Variants in ANXA8 observed in about 807,000 individuals in gnomAD.
The protein encoded by ANXA8 is VAC-beta.
A neutral mutation model predicts 26.8 loss-of-function variants in ANXA8; 9 were observed. The observed-to-expected ratio is 0.34, with a 90% confidence interval of 0.20 to 0.59. ANXA8 has a LOEUF of 0.59. Ranked by LOEUF, ANXA8 falls within the 20% of genes least tolerant of loss-of-function variation. The probability of loss-of-function intolerance (pLI) is 0.84; values close to 1 mark genes in which losing one functional copy is unlikely to be tolerated. For missense variants in ANXA8, 83 were observed against 238.5 expected (o/e 0.35, Z 4.29); for synonymous variants, 39 against 94.8 (o/e 0.41, Z 3.42).
the ANXA8 span, among the ~76,000 whole-genome samples, chr10:47,898,811 A>ATGTTTTTT: frequency 1.8e-5 from 1 of 56,242 alleles, no homozygotes; most frequent in Non-Finnish European, 2.9e-5. Flanking sequence ...AAGAGAATGG[A>ATGTTTTTT]TTTTTTTTTT....
chr10:47,763,009 G>A, the ANXA8 span: 1 of 1,152,374 alleles, frequency 8.7e-7, no homozygotes, highest in Non-Finnish European at 1.1e-6. Flanking sequence ...CCCCATCCCG[G>A]AGAGCAGGGC....
the ANXA8 span, among the ~76,000 whole-genome samples, chr10:47,668,108 GT>G: frequency 1.0e-3 from 150 of 150,316 alleles, no homozygotes; most frequent in African/African-American, 3.5e-3. Context: ...TATTTCACTG[GT>G]TTTTTTTCCT....
the ANXA8 span, among the ~76,000 whole-genome samples, chr10:47,501,486 G>A: frequency 2.2e-5 from 3 of 136,906 alleles, 1 homozygote; most frequent in African/African-American, 2.7e-5. Flanking sequence ...GAGGCAGGTG[G>A]ATCACGAGGT....
the ANXA8 span, chr10:47,590,316 G>T: frequency 6.8e-6 from 1 of 146,460 alleles, no homozygotes; most frequent in African/African-American, 2.8e-5. Context: ...CAACTGAGCT[G>T]CACCTGGAAG....
In ANXA8 at chr10:47,473,970, C is replaced by G. The variant is rs1839401036; in HGVS notation, c.742G>C (p.Val248Leu). 15 of 498,702 alleles carry G rather than the reference C, an allele frequency of 3.0e-5. No individual in the cohort carries two copies. The highest frequency in any genetic ancestry group is 2.8e-4 in the South Asian group (13 of 47,006). 30.9% of individuals were successfully genotyped at this position (498,702 alleles called of 1,614,324 possible). A position where few individuals can be genotyped will look rare whatever the true frequency, so the allele number is the denominator to read the frequency against. Residue 248 changes from valine (V) to leucine (L), a missense_variant and splice_region_variant, in exon 9 of 12, where the codon GTG (valine) becomes CTG (leucine). Val to Leu is a conservative substitution (Grantham distance 32). This residue lies in a region of ANXA8 where 28 missense variants were observed against 37.7 expected (regional missense o/e 0.74). Coordinates refer to ENST00000585281, the MANE Select transcript of ANXA8 (RefSeq NM_001040084.3). ...GSLEEAMLTV[V>L]KCTQNLHSYF... is the part of the protein sequence containing the mutation. ...AAAACGTGCAAGTCTGAGCTCTTAC[C>G]CACAGTGAGCATGGCCTCCTCCAGT...
the ANXA8 span, among the ~76,000 whole-genome samples, chr10:47,567,583 C>T: frequency 2.0e-5 from 3 of 151,842 alleles, no homozygotes; most frequent in Non-Finnish European, 4.4e-5. Flanking sequence ...TCCTGTCATC[C>T]CTCCTTTCAG....
chr10:47,676,721 C>A, the ANXA8 span, among the ~76,000 whole-genome samples: 1 of 151,400 alleles, frequency 6.6e-6, no homozygotes, highest in South Asian at 2.1e-4. Flanking sequence ...AGGTCGAGAC[C>A]ATCCTGGCCA....
the ANXA8 span, among the ~76,000 whole-genome samples, chr10:47,574,201 C>T: frequency 1.8e-5 from 1 of 56,278 alleles, no homozygotes. Context: ...CTGCAACCTC[C>T]GCCTCCAGGG....
the ANXA8 span, among the ~76,000 whole-genome samples, chr10:47,661,717 C>CT: frequency 2.4e-5 from 3 of 126,814 alleles, no homozygotes; most frequent in African/African-American, 3.6e-5. Flanking sequence ...TGCACCTGGC[C>CT]TTTTTTTGGT....
the ANXA8 span, among the ~76,000 whole-genome samples, chr10:47,586,279 C>T: frequency 6.9e-6 from 1 of 144,260 alleles, no homozygotes; most frequent in African/African-American, 2.9e-5. Context: ...CTGTGCTCAG[C>T]GAGAATCTCG....
At chr10:47,626,825 G>A in the ANXA8 span, among the ~76,000 whole-genome samples, 2 of 150,282 alleles carry the variant, frequency 1.3e-5, no homozygotes, top group Non-Finnish European at 2.9e-5. Flanking sequence ...AAGAGAAGAA[G>A]CTAAGTTCTA....
At chr10:47,729,787 G>A in the ANXA8 span, among the ~76,000 whole-genome samples, 2 of 142,180 alleles carry the variant, frequency 1.4e-5, no homozygotes, top group Non-Finnish European at 3.1e-5. Flanking sequence ...ACTAGAAAGA[G>A]AAGGTATAGA....
chr10:47,947,951 G>C, the ANXA8 span, among the ~76,000 whole-genome samples: 45,581 of 143,184 alleles, frequency 0.32, 3,128 homozygotes, highest in South Asian at 0.41. Context: ...GGGACATGGG[G>C]GGGACCCCTG....
At chr10:47,940,083 C>A in the ANXA8 span, among the ~76,000 whole-genome samples, 2 of 151,186 alleles carry the variant, frequency 1.3e-5, no homozygotes, top group African/African-American at 4.9e-5. Flanking sequence ...CCAAGTTTAC[C>A]TTCTCTGAAA....
At chr10:47,749,970 A>T in the ANXA8 span, among the ~76,000 whole-genome samples, 2 of 152,020 alleles carry the variant, frequency 1.3e-5, no homozygotes, top group Non-Finnish European at 2.9e-5. Context: ...GCCATTTCAC[A>T]TAATAAAGGT....
At chr10:47,967,787 G>A in the ANXA8 span, among the ~76,000 whole-genome samples, 60 of 119,060 alleles carry the variant, frequency 5.0e-4, no homozygotes, top group Non-Finnish European at 1.1e-4. Flanking sequence ...CTCCACCCAA[G>A]CAGGTTGTAT....
chr10:47,680,624 G>A, the ANXA8 span, among the ~76,000 whole-genome samples: 1 of 148,806 alleles, frequency 6.7e-6, no homozygotes, highest in Non-Finnish European at 1.5e-5. Flanking sequence ...AACAGAGCAA[G>A]ACTCCATCTC....
chr10:47,744,185 G>C, the ANXA8 span, among the ~76,000 whole-genome samples: 1 of 148,510 alleles, frequency 6.7e-6, no homozygotes, highest in Non-Finnish European at 1.5e-5. Flanking sequence ...ACAGGCATGG[G>C]GCCCCCAACA....
At chr10:47,722,444 C>T in the ANXA8 span, among the ~76,000 whole-genome samples, 3 of 136,930 alleles carry the variant, frequency 2.2e-5, 1 homozygote, top group Non-Finnish European at 4.8e-5. Context: ...ACAATTAAGG[C>T]TCCTATTTAG....
Sources: allele counts gnomAD v4.1 joint callset (sites outside exome capture counted in the v4.1 genomes callset), GRCh38; gene constraint gnomAD v4.1.1; regional missense constraint gnomAD v4.1.1; transcripts MANE v1.5; gene names NCBI Gene and HGNC (gene_info 2026-07-23, HGNC 2026-07-21).